PDE4D: variants seen among roughly 807,000 people sequenced by gnomAD.
The protein encoded by PDE4D is 3',5'-cyclic-AMP phosphodiesterase 4D.
A neutral mutation model predicts 87.4 loss-of-function variants in PDE4D; 24 were observed. That is an observed-to-expected ratio of 0.27 (90% confidence interval 0.20 to 0.39). The LOEUF is 0.39. PDE4D is among the 10% of genes least tolerant of loss of function. PDE4D has a pLI of 1.00. For missense variants in PDE4D, 714 were observed against 1,041.0 expected, an observed-to-expected ratio of 0.69 and a Z score of 4.32; for synonymous variants, 384 against 383.2, an observed-to-expected ratio of 1.00 and a Z score of -0.02.
chr5:59,436,328 T>A (rs1796797224), intron 1 of PDE4D, among the ~76,000 whole-genome samples: 1 of 152,134 alleles, frequency 6.6e-6, no homozygotes, highest in Non-Finnish European at 1.5e-5. Context: ...CTACTTAAAA[T>A]AAGGAATAGC....
At chr5:60,503,887 T>C (rs1440513604) in intron 1 of PDE4D, among the ~76,000 whole-genome samples, 1 of 152,190 alleles carries the variant, frequency 6.6e-6, no homozygotes, top group Non-Finnish European at 1.5e-5. Context: ...TCCAAAGATA[T>C]GAAAGATGTG....
At chr5:59,077,454 G>A (rs1765876570) in intron 5 of PDE4D, among the ~76,000 whole-genome samples, 1 of 149,918 alleles carries the variant, frequency 6.7e-6, no homozygotes, top group African/African-American at 2.4e-5. Context: ...TGCAGGATGG[G>A]CAACTGATTT....
rs920666090 is a variant in PDE4D at position 59,893,698 on chromosome 5, G to A, written c.-76C>T. ...GCCCGAGCGCCTTCCTGATGCTGCT[G>A]CTGCTGCTGCCGCCGCCGCCGCTTC... On this transcript the variant is annotated 5_prime_UTR_variant, in exon 1 of 15. Coordinates refer to ENST00000340635, the MANE Select transcript of PDE4D (RefSeq NM_001104631.2). 2 of 1,386,488 alleles carry A rather than the reference G, an allele frequency of 1.4e-6. No homozygotes were observed. Among genetic ancestry groups the A allele is most frequent in the South Asian group, 1.7e-5 (1 of 60,450 alleles). The allele number at this position is 1,386,488 out of a possible 1,614,324, so 85.9% of individuals were successfully genotyped here.
chr5:60,457,788 G>A (rs1299445885), intron 1 of PDE4D, among the ~76,000 whole-genome samples: 1 of 152,152 alleles, frequency 6.6e-6, no homozygotes, highest in Non-Finnish European at 1.5e-5. Context: ...ATGGGGGCCT[G>A]TTTCAGCAAA....
chr5:60,314,846 A>G (rs1174369732), intron 1 of PDE4D, among the ~76,000 whole-genome samples: 1 of 152,188 alleles, frequency 6.6e-6, no homozygotes, highest in Non-Finnish European at 1.5e-5. Context: ...ATAGAATTCC[A>G]TGGTGTATAT....
At position 58,974,836 on chromosome 5, in the gene PDE4D, C is replaced by A. The variant is rs758442946; in HGVS notation, c.2258G>T (p.Gly753Val). The A allele has an allele frequency of 1.9e-6, 3 of 1,613,312 alleles. No individual in the cohort carries two copies. The highest frequency in any genetic ancestry group is 2.7e-5 in the African/African-American group (2 of 74,876). ...DGESDTEKDS[G>V]SQVEEDTSCS... is the part of the protein sequence containing the mutation. ...GCTAGTGTCTTCTTCCACTTGACTG[C>A]CACTGTCCTTTTCCGTGTCTGACTC... Residue 753 changes from glycine to valine, a missense_variant, in exon 15 of 15, where the codon GGC (glycine) becomes GTC (valine). By Grantham distance (109) the Gly-to-Val change is moderately radical. This residue lies in a region of PDE4D where 90 missense variants were observed against 95.3 expected (regional missense o/e 0.94). Coordinates refer to ENST00000340635, the MANE Select transcript of PDE4D (RefSeq NM_001104631.2).
intron 1 of PDE4D, among the ~76,000 whole-genome samples, chr5:60,424,445 C>T (rs907051587): frequency 6.6e-6 from 1 of 152,172 alleles, no homozygotes; most frequent in Non-Finnish European, 1.5e-5. Flanking sequence ...ATGATTATCT[C>T]AATAGATGCA....
At chr5:59,628,782 G>A (rs1831205406) in intron 1 of PDE4D, among the ~76,000 whole-genome samples, 1 of 152,160 alleles carries the variant, frequency 6.6e-6, no homozygotes, top group South Asian at 2.1e-4. Context: ...GGGTAAGACT[G>A]TTCTTAGAAA....
intron 1 of PDE4D, among the ~76,000 whole-genome samples, chr5:60,302,443 A>AAC (rs1753984935): frequency 1.3e-5 from 2 of 152,118 alleles, no homozygotes; most frequent in Non-Finnish European, 2.9e-5. Flanking sequence ...TAGTTTTTCC[A>AAC]ATATATATAC....
intron 2 of PDE4D, among the ~76,000 whole-genome samples, chr5:60,092,973 G>A (rs1157820266): frequency 1.3e-5 from 2 of 152,252 alleles, no homozygotes; most frequent in African/African-American, 2.4e-5. Context: ...TCATTTGTAC[G>A]ATTCCAGTCT....
At chr5:60,489,180 A>G (rs1749381446), upstream of PDE4D, among the ~76,000 whole-genome samples, 1 of 152,212 alleles carries the variant, frequency 6.6e-6, no homozygotes, top group Non-Finnish European at 1.5e-5. Context: ...ACTTAACCCA[A>G]TGACAAATCC....
chr5:59,216,009 C>G, intron 1 of PDE4D, 41 bp from the exon 2 acceptor site: 1 of 1,406,452 alleles, frequency 7.1e-7, no homozygotes, highest in Non-Finnish European at 9.8e-7. Flanking sequence ...TGTGAACATT[C>G]ACATGTTCAT....
At chr5:59,202,033 A>ATTTTTTTTTTTTTTTTTT in intron 2 of PDE4D, among the ~76,000 whole-genome samples, 1 of 95,258 alleles carries the variant, frequency 1.0e-5, no homozygotes, top group Non-Finnish European at 1.9e-5. Context: ...TGTTTTGATC[A>ATTTTTTTTTTTTTTTTTT]TTTTTTTTTT....
rs757693378 is a variant in PDE4D at position 59,655,905 on chromosome 5, G to T, written c.455+237263C>A. 1.3e-3 allele frequency among the ~76,000 whole-genome samples: 204 copies of T among 152,278 alleles called. 2 individuals are homozygous for T. Among genetic ancestry groups the T allele is most frequent in the Middle Eastern group, 0.01 (3 of 294 alleles). ...CTTCATACTCCAAAGTTCAAGTCTA[G>T]ATCACTTCAAGTTATGTCTGTTCTA... On this transcript the variant is annotated intron_variant, in intron 1 of 14. Transcript: ENST00000340635.
intron 2 of PDE4D, among the ~76,000 whole-genome samples, chr5:59,210,887 C>G (rs1321691032): frequency 6.6e-6 from 1 of 152,168 alleles, no homozygotes. Flanking sequence ...AGTTTTGTGA[C>G]TTAATTCTAC....
intron 2 of PDE4D, among the ~76,000 whole-genome samples, chr5:60,080,740 A>G (rs892953254): frequency 6.6e-6 from 1 of 152,212 alleles, no homozygotes; most frequent in Non-Finnish European, 1.5e-5. Context: ...TGGCTTGATC[A>G]TGATGAATAA....
At chr5:59,983,084 A>C (rs1762091566) in intron 3 of PDE4D, among the ~76,000 whole-genome samples, 1 of 152,026 alleles carries the variant, frequency 6.6e-6, no homozygotes, top group Admixed American at 6.5e-5. Context: ...TAGGTGGGAG[A>C]CAGGACTCAA....
At chr5:60,307,570 G>C (rs1039594295) in intron 1 of PDE4D, among the ~76,000 whole-genome samples, 9 of 152,106 alleles carry the variant, frequency 5.9e-5, no homozygotes, top group Non-Finnish European at 1.3e-4. Flanking sequence ...CAAACCATCT[G>C]AAAGTGAAAT....
At chr5:59,629,264 C>A (rs951075817) in intron 1 of PDE4D, among the ~76,000 whole-genome samples, 13 of 152,026 alleles carry the variant, frequency 8.6e-5, no homozygotes, top group Non-Finnish European at 1.5e-4. Context: ...TGAAGCCTAA[C>A]CTCTCAGTAC....
Sources: gnomAD v4.1 joint callset for allele counts (sites outside exome capture counted in the v4.1 genomes callset) on GRCh38, gnomAD v4.1.1 for gene constraint, gnomAD v4.1.1 regional missense constraint, MANE v1.5 for transcripts, NCBI Gene and HGNC (gene_info 2026-07-23, HGNC 2026-07-21) for gene names.